RNLS: variants seen among roughly 807,000 people sequenced by gnomAD.
RNLS encodes renalase, FAD dependent amine oxidase, also known as renalase.
A neutral mutation model predicts 39.8 loss-of-function variants in RNLS; 39 were observed. That is an observed-to-expected ratio of 0.98 (90% CI 0.76 to 1.28). RNLS has a LOEUF of 1.28. RNLS is among the 50% of genes most tolerant of loss of function. The pLI is 0.00. For missense variants in RNLS, 410 were observed against 413.3 expected, an observed-to-expected ratio of 0.99 and a Z score of 0.07; for synonymous variants, 147 against 150.7, an observed-to-expected ratio of 0.98 and a Z score of 0.18.
At chr10:88,331,110 T>C (rs1308164173) in intron 5 of RNLS, among the ~76,000 whole-genome samples, 2 of 152,238 alleles carry the variant, frequency 1.3e-5, no homozygotes, top group African/African-American at 4.8e-5. Context: ...TTTCTACTTC[T>C]GTAGCCATAT....
Position 88,284,499 on chromosome 10 carries a change from G to C in RNLS, c.*855C>G. The stretch of plus-strand genomic sequence containing the variant: ...CTTGGCAAATATTGAACTATTTTAA[G>C]TGCATCTATTTTCTGGTTCAGTAAA... On this transcript the variant is annotated 3_prime_UTR_variant, in exon 7 of 7. Coordinates refer to ENST00000331772, the MANE Select transcript of RNLS (RefSeq NM_001031709.3). The C allele has an allele frequency of 1.0e-6, 1 of 985,304 alleles. No individual in the cohort carries two copies. The highest frequency in any genetic ancestry group is 1.2e-6 in the Non-Finnish European group (1 of 829,904). 61.0% of individuals were successfully genotyped at this position (985,304 alleles called of 1,614,324 possible). A position where few individuals can be genotyped will look rare whatever the true frequency, so the allele number is the denominator to read the frequency against.
intron 6 of RNLS, among the ~76,000 whole-genome samples, chr10:88,312,195 C>T (rs1300090291): frequency 6.6e-6 from 1 of 152,202 alleles, no homozygotes; most frequent in East Asian, 1.9e-4. Flanking sequence ...GGATAAGTAT[C>T]TTGGACCACA....
At chr10:88,439,430 A>C (rs928460739) in intron 4 of RNLS, among the ~76,000 whole-genome samples, 1 of 152,206 alleles carries the variant, frequency 6.6e-6, no homozygotes, top group Non-Finnish European at 1.5e-5. Flanking sequence ...CAACAAAGGG[A>C]CATCCTGCCA....
chr10:88,438,244 G>A (rs971658841), intron 4 of RNLS, among the ~76,000 whole-genome samples: 6 of 152,042 alleles, frequency 3.9e-5, no homozygotes, highest in Middle Eastern at 3.2e-3. Context: ...AGTCAATCCA[G>A]GCAGAGGGCA....
At chr10:88,342,950 A>G (rs541032104) in intron 5 of RNLS, among the ~76,000 whole-genome samples, 1 of 152,276 alleles carries the variant, frequency 6.6e-6, no homozygotes, top group African/African-American at 2.4e-5. Context: ...TTATATGTCT[A>G]TTGCTTGGGT....
At chr10:88,240,357 TTTA>T in the RNLS span, among the ~76,000 whole-genome samples, 1 of 152,124 alleles carries the variant, frequency 6.6e-6, no homozygotes. Context: ...TAATACTTTT[TTTA>T]TTTTTCCTCT....
chr10:88,559,685 A>ATTC (rs1554930778), intron 4 of RNLS, among the ~76,000 whole-genome samples: 3 of 151,898 alleles, frequency 2.0e-5, no homozygotes, highest in Non-Finnish European at 2.9e-5. Context: ...TCATTCATTC[A>ATTC]ATGCAGACTG....
chr10:88,573,079 T>C lies in RNLS; in HGVS notation c.368-18A>G, dbSNP rs1451770051. ...TTCTGCACCTGTTCCAAAAGCAAAA[T>C]CATGTCCCCATTATCAGAATTGCAT... On this transcript the variant is annotated intron_variant, in intron 3 of 6. Coordinates refer to ENST00000331772, the MANE Select transcript of RNLS (RefSeq NM_001031709.3). 7 of 1,610,456 alleles carry C rather than the reference T, an allele frequency of 4.3e-6. No individual in the cohort carries two copies. The highest frequency in any genetic ancestry group is 5.9e-6 in the Non-Finnish European group (7 of 1,177,646).
At chr10:88,547,843 T>C (rs1848395872) in intron 4 of RNLS, among the ~76,000 whole-genome samples, 1 of 152,162 alleles carries the variant, frequency 6.6e-6, no homozygotes, top group South Asian at 2.1e-4. Context: ...AATGAATCTT[T>C]CTGCAATGCA....
intron 4 of RNLS, among the ~76,000 whole-genome samples, chr10:88,428,691 G>A (rs1039142629): frequency 1.3e-5 from 2 of 151,990 alleles, no homozygotes; most frequent in African/African-American, 2.4e-5. Flanking sequence ...TGGGGCAAAT[G>A]CCAAGAGCAC....
At chr10:88,382,364 C>T (rs1851588804) in intron 4 of RNLS, among the ~76,000 whole-genome samples, 1 of 152,070 alleles carries the variant, frequency 6.6e-6, no homozygotes, top group African/African-American at 2.4e-5. Flanking sequence ...CTAGGTTAAA[C>T]ACTCATCACA....
At chr10:88,524,960 CAT>C (rs772272529) in intron 4 of RNLS, among the ~76,000 whole-genome samples, 1,588 of 88,794 alleles carry the variant, frequency 0.018, 14 homozygotes, top group Non-Finnish European at 0.027. Context: ...CACACACATA[CAT>C]ATATATATAT....
At chr10:88,517,950 C>T (rs1254249363) in intron 4 of RNLS, among the ~76,000 whole-genome samples, 1 of 151,808 alleles carries the variant, frequency 6.6e-6, no homozygotes, top group Non-Finnish European at 1.5e-5. Flanking sequence ...TGTTATAAAT[C>T]TTAATTTTGT....
intron 5 of RNLS, among the ~76,000 whole-genome samples, chr10:88,339,029 C>T (rs909697737): frequency 6.6e-5 from 10 of 151,926 alleles, no homozygotes; most frequent in African/African-American, 2.4e-4. Context: ...CCCAAAGTGC[C>T]GAGCCACCGT....
intron 4 of RNLS, among the ~76,000 whole-genome samples, chr10:88,464,757 G>GA (rs34553557): frequency 0.33 from 50,413 of 150,494 alleles, 9,882 homozygotes; most frequent in African/African-American, 0.55. Flanking sequence ...GCAAAGAACT[G>GA]AAAAAAAAAT....
At chr10:88,321,672 T>C (rs1846192824) in intron 5 of RNLS, among the ~76,000 whole-genome samples, 1 of 152,158 alleles carries the variant, frequency 6.6e-6, no homozygotes, top group Non-Finnish European at 1.5e-5. Context: ...TGAATATCTC[T>C]ATGCACACCA....
intron 4 of RNLS, among the ~76,000 whole-genome samples, chr10:88,371,257 A>G (rs1220116384): frequency 6.6e-6 from 1 of 152,114 alleles, no homozygotes; most frequent in Non-Finnish European, 1.5e-5. Context: ...CAAAAATCCA[A>G]CATGACCGTA....
At chr10:88,216,345 C>T in the RNLS span, among the ~76,000 whole-genome samples, 3 of 152,190 alleles carry the variant, frequency 2.0e-5, no homozygotes, top group African/African-American at 7.2e-5. Flanking sequence ...TCAGGCACAG[C>T]TGGATCTAGG....
intron 5 of RNLS, among the ~76,000 whole-genome samples, chr10:88,344,171 T>C (rs1281278188): frequency 2.0e-5 from 3 of 152,228 alleles, no homozygotes; most frequent in Non-Finnish European, 4.4e-5. Context: ...ACTTTATCAC[T>C]GCAGTTGCAT....
Sources: gnomAD v4.1 joint callset for allele counts (sites outside exome capture counted in the v4.1 genomes callset) on GRCh38, gnomAD v4.1.1 for gene constraint, MANE v1.5 for transcripts, NCBI Gene and HGNC (gene_info 2026-07-23, HGNC 2026-07-21) for gene names.